The following ATP6V0A4 variants were observed in gnomAD, a reference collection of about 807,000 sequenced individuals.
ATP6V0A4 encodes ATPase H+ transporting V0 subunit a4, also known as V-type proton ATPase 116 kDa subunit a 4.
ATP6V0A4 carries 86 observed loss-of-function variants against 107.3 expected under a neutral mutation model. That is an observed-to-expected ratio of 0.80 (90% CI 0.67 to 0.96). The LOEUF (loss-of-function observed/expected upper bound fraction) is 0.96. Ranked by LOEUF, ATP6V0A4 falls within the 40% of genes least tolerant of loss-of-function variation. The pLI, the probability that ATP6V0A4 is intolerant of heterozygous loss-of-function variation, is 0.00. For missense variants in ATP6V0A4, 908 were observed against 1,045.6 expected (o/e 0.87, Z 1.81); for synonymous variants, 353 against 381.4 (o/e 0.93, Z 0.87).
At chr7:138,763,262 AC>A (rs1320647817) in intron 5 of ATP6V0A4, among the ~76,000 whole-genome samples, 4 of 152,234 alleles carry the variant, frequency 2.6e-5, no homozygotes, top group Admixed American at 6.5e-5. Flanking sequence ...ATTAGGAAGT[AC>A]TTGGAGGAGT....
intron 2 of ATP6V0A4, 117 bp downstream of exon 2, chr7:138,786,041 C>G (rs1018185795): frequency 2.0e-5 from 3 of 152,554 alleles, no homozygotes; most frequent in Non-Finnish European, 2.9e-5. Flanking sequence ...CAGCTCCACT[C>G]TCCTCTACTC....
At chr7:138,765,659 A>AAATC (rs1315069734) in intron 5 of ATP6V0A4, among the ~76,000 whole-genome samples, 3 of 152,242 alleles carry the variant, frequency 2.0e-5, no homozygotes, top group Admixed American at 1.3e-4. Flanking sequence ...AGGATTAGTC[A>AAATC]AATCAATCAA....
At chr7:138,716,072 C>T (rs943092281) in intron 19 of ATP6V0A4, 191 bp from the exon 20 acceptor site, 5 of 359,254 alleles carry the variant, frequency 1.4e-5, no homozygotes, top group Non-Finnish European at 1.9e-5. Flanking sequence ...TGTGTCTTAA[C>T]GTTCCCCAGC....
chr7:138,778,411 C>T (rs1044381868), intron 2 of ATP6V0A4, among the ~76,000 whole-genome samples: 2 of 128,416 alleles, frequency 1.6e-5, no homozygotes, highest in African/African-American at 2.7e-5. Context: ...TGGGTCCCAT[C>T]CCCAAGACAT....
intron 21 of ATP6V0A4, among the ~76,000 whole-genome samples, chr7:138,707,126 T>TATCATATATATTATTATATATAA (rs1246238163): frequency 0.019 from 1,358 of 73,088 alleles, 23 homozygotes; most frequent in Non-Finnish European, 0.029. Flanking sequence ...ATATATAATA[T>TATCATATATATTATTATATATAA]TATATATACA....
chr7:138,722,600 C>T (rs541160034), intron 18 of ATP6V0A4, among the ~76,000 whole-genome samples: 11 of 151,080 alleles, frequency 7.3e-5, no homozygotes, highest in Admixed American at 4.0e-4. Context: ...CAAAAAATAG[C>T]TGGGCGTGGT....
chr7:138,707,949 G>A (rs1361252008), intron 21 of ATP6V0A4, among the ~76,000 whole-genome samples: 5 of 151,872 alleles, frequency 3.3e-5, no homozygotes, highest in Admixed American at 1.3e-4. Context: ...ATTATAGAAC[G>A]CAAAGACCCT....
At chr7:138,771,022 G>C in intron 3 of ATP6V0A4, 109 bp downstream of exon 3, 3 of 1,111,852 alleles carry the variant, frequency 2.7e-6, no homozygotes, top group Non-Finnish European at 4.1e-6. Flanking sequence ...TCCAGCTCAC[G>C]GCTCCTCTCC....
chr7:138,755,561 A>G, intron 10 of ATP6V0A4, 128 bp downstream of exon 10: 2 of 1,273,808 alleles, frequency 1.6e-6, no homozygotes, highest in South Asian at 2.5e-5. Context: ...AGCCACAACC[A>G]GAAAGGCATA....
At chr7:138,760,533 A>G (rs952480264) in intron 7 of ATP6V0A4, among the ~76,000 whole-genome samples, 1 of 151,836 alleles carries the variant, frequency 6.6e-6, no homozygotes, top group South Asian at 2.1e-4. Flanking sequence ...GTCTCTATGC[A>G]TTTTTCCAAA....
At chr7:138,775,555 C>T (rs537133671) in intron 2 of ATP6V0A4, among the ~76,000 whole-genome samples, 142 of 152,022 alleles carry the variant, frequency 9.3e-4, no homozygotes, top group Non-Finnish European at 1.9e-3. Context: ...CAGCTCACTG[C>T]AGCCTCAACC....
intron 2 of ATP6V0A4, among the ~76,000 whole-genome samples, chr7:138,777,003 G>T (rs946185694): frequency 1.3e-5 from 2 of 152,036 alleles, no homozygotes; most frequent in African/African-American, 4.8e-5. Context: ...TACAAATTTA[G>T]CCAGGTGTGG....
intron 1 of ATP6V0A4, among the ~76,000 whole-genome samples, chr7:138,796,151 TC>T (rs1208735993): frequency 3.9e-5 from 6 of 152,110 alleles, no homozygotes; most frequent in African/African-American, 1.4e-4. Context: ...CTAAGCAGCG[TC>T]CTCTCTGTGG....
chr7:138,708,655 T>C (rs1803574301), intron 21 of ATP6V0A4, among the ~76,000 whole-genome samples: 1 of 152,218 alleles, frequency 6.6e-6, no homozygotes, highest in South Asian at 2.1e-4. Context: ...TGTCACTGGA[T>C]ACATCTGTGC....
At chr7:138,784,986 C>T (rs1453847144) in intron 2 of ATP6V0A4, among the ~76,000 whole-genome samples, 3 of 152,166 alleles carry the variant, frequency 2.0e-5, no homozygotes, top group Non-Finnish European at 1.5e-5. Flanking sequence ...TTCTCATATC[C>T]TTGTACCCAG....
At chr7:138,789,226 T>TC (rs368212954) in intron 1 of ATP6V0A4, among the ~76,000 whole-genome samples, 1 of 149,226 alleles carries the variant, frequency 6.7e-6, no homozygotes, top group Non-Finnish European at 1.5e-5. Context: ...TGGGGGGTTT[T>TC]TTTTTGTTGT....
intron 1 of ATP6V0A4, among the ~76,000 whole-genome samples, chr7:138,795,204 G>A (rs192484626): frequency 1.3e-5 from 2 of 152,164 alleles, no homozygotes; most frequent in East Asian, 1.9e-4. Context: ...GCCTGGCCCA[G>A]CCTATACTAT....
Position 138,739,581 on chromosome 7 carries a change from CT to C in ATP6V0A4, c.1530del (p.Gly511GlufsTer26). On this transcript the variant is annotated frameshift_variant, in exon 15 of 22. Transcript: ENST00000310018. LOFTEE classifies it high-confidence loss of function. ...SLYLQLDPAI[P>X]GVYFGNPYPF... ...GGGTATGGATTTCCAAAATACACTC[CT>C]GGTATGGCTGGGTCCAGCTGCAGAT... The C allele has an allele frequency of 6.2e-7, 1 of 1,614,184 alleles. No homozygotes were observed. Among genetic ancestry groups the C allele is most frequent in the Non-Finnish European group, 8.5e-7 (1 of 1,180,042 alleles).
At chr7:138,756,952 A>T (rs943351572) in intron 8 of ATP6V0A4, among the ~76,000 whole-genome samples, 1 of 152,218 alleles carries the variant, frequency 6.6e-6, no homozygotes, top group Non-Finnish European at 1.5e-5. Context: ...GGGGATGAGT[A>T]GGTGTTTTAT....
Sources: allele counts gnomAD v4.1 joint callset (sites outside exome capture counted in the v4.1 genomes callset), GRCh38; gene constraint gnomAD v4.1.1; transcripts MANE v1.5; gene names NCBI Gene and HGNC (gene_info 2026-07-23, HGNC 2026-07-21).